Variants in NBAS observed in about 807,000 individuals in gnomAD.
NBAS encodes NBAS subunit of NRZ tethering complex.
Under a neutral mutation model 302.5 loss-of-function variants are expected in NBAS, and 219 were observed. That is an observed-to-expected ratio of 0.72 (90% confidence interval 0.65 to 0.81). NBAS has a LOEUF of 0.81. NBAS is among the 30% of genes least tolerant of loss of function. The pLI is 0.00. For synonymous variants in NBAS, 1,118 were observed against 1,021.6 expected (o/e 1.09, Z -1.80); for missense variants, 2,932 against 2,841.6 (o/e 1.03, Z -0.72).
intron 35 of NBAS, 149 bp downstream of exon 35, chr2:15,351,843 A>C (rs1028091070): frequency 8.5e-6 from 6 of 702,680 alleles, no homozygotes; most frequent in Admixed American, 6.3e-5. Context: ...CACACACACA[A>C]AAGCTGAAAA....
chr2:15,231,161 G>A (rs998399097), intron 47 of NBAS, among the ~76,000 whole-genome samples: 2 of 152,220 alleles, frequency 1.3e-5, no homozygotes, highest in Non-Finnish European at 2.9e-5. Context: ...GCATGGCACA[G>A]AGTAAACCCC....
chr2:15,496,541 T>A (rs1473804209), intron 11 of NBAS, among the ~76,000 whole-genome samples: 1 of 152,132 alleles, frequency 6.6e-6, no homozygotes, highest in Non-Finnish European at 1.5e-5. Context: ...TTGATGCAAT[T>A]TCCTACATCT....
intron 44 of NBAS, among the ~76,000 whole-genome samples, chr2:15,271,725 A>C (rs1669333855): frequency 6.6e-6 from 1 of 152,220 alleles, no homozygotes; most frequent in Admixed American, 6.5e-5. Context: ...CTAAGATTAT[A>C]CATATGCTCC....
chr2:14,842,432 TA>T, the NBAS span, among the ~76,000 whole-genome samples: 2 of 151,626 alleles, frequency 1.3e-5, no homozygotes, highest in African/African-American at 4.8e-5. Flanking sequence ...TTAGACTAAC[TA>T]AAAAAATGAG....
the NBAS span, among the ~76,000 whole-genome samples, chr2:14,964,926 C>T: frequency 3.3e-5 from 5 of 152,074 alleles, no homozygotes; most frequent in Non-Finnish European, 7.4e-5. Context: ...AAACAACACA[C>T]TTCTGAATAC....
chr2:14,849,891 G>T, the NBAS span, among the ~76,000 whole-genome samples: 2 of 137,370 alleles, frequency 1.5e-5, 1 homozygote, highest in Non-Finnish European at 3.0e-5. Context: ...GAGAGATTTT[G>T]TCACCACCAG....
intron 45 of NBAS, among the ~76,000 whole-genome samples, chr2:15,236,443 A>G (rs993864444): frequency 6.2e-4 from 92 of 147,394 alleles, no homozygotes; most frequent in African/African-American, 2.2e-3. Flanking sequence ...CAGCTACTCA[A>G]GAGGCTGAGG....
the NBAS span, among the ~76,000 whole-genome samples, chr2:14,837,893 G>A: frequency 7.2e-3 from 1,097 of 151,608 alleles, 12 homozygotes; most frequent in African/African-American, 0.025. Context: ...TAGTATTTAC[G>A]CTAGTCTCCT....
intron 44 of NBAS, among the ~76,000 whole-genome samples, chr2:15,266,787 G>A (rs1572556168): frequency 6.6e-6 from 1 of 151,916 alleles, no homozygotes; most frequent in East Asian, 1.9e-4. Flanking sequence ...ATTTTACCGA[G>A]CCTCCTAGTT....
At chr2:15,115,870 C>T in the NBAS span, among the ~76,000 whole-genome samples, 2 of 152,136 alleles carry the variant, frequency 1.3e-5, no homozygotes, top group South Asian at 4.1e-4. Context: ...TTAACAATAA[C>T]CATTGAGGGG....
the NBAS span, among the ~76,000 whole-genome samples, chr2:14,806,874 T>C: frequency 6.6e-6 from 1 of 152,264 alleles, no homozygotes; most frequent in African/African-American, 2.4e-5. Context: ...ACAGTTTTTC[T>C]CTATAAAATC....
intron 21 of NBAS, among the ~76,000 whole-genome samples, chr2:15,454,914 T>TC (rs1679180183): frequency 1.1e-5 from 1 of 93,476 alleles, no homozygotes; most frequent in Non-Finnish European, 2.6e-5. Flanking sequence ...CTGCAATTTT[T>TC]TTTTTTTTTG....
the NBAS span, among the ~76,000 whole-genome samples, chr2:15,154,640 G>T: frequency 6.6e-6 from 1 of 152,128 alleles, no homozygotes; most frequent in Non-Finnish European, 1.5e-5. Flanking sequence ...ATAAGAGGTG[G>T]GCCCAGCCCT....
chr2:14,993,255 A>G, the NBAS span, among the ~76,000 whole-genome samples: 1 of 152,156 alleles, frequency 6.6e-6, no homozygotes, highest in Non-Finnish European at 1.5e-5. Context: ...AAATTGACCA[A>G]AGTCACTATT....
the NBAS span, among the ~76,000 whole-genome samples, chr2:15,035,258 T>A: frequency 6.6e-6 from 1 of 152,108 alleles, no homozygotes; most frequent in Non-Finnish European, 1.5e-5. Context: ...TGTGTGCATA[T>A]AAATCAAAAC....
intron 38 of NBAS, among the ~76,000 whole-genome samples, chr2:15,312,601 G>T (rs190469577): frequency 6.6e-6 from 1 of 152,112 alleles, no homozygotes; most frequent in Admixed American, 6.5e-5. Context: ...AAATTCAGCT[G>T]GTACCCTGGT....
At chr2:15,508,641 A>G (rs958889178) in intron 10 of NBAS, among the ~76,000 whole-genome samples, 6 of 151,656 alleles carry the variant, frequency 4.0e-5, no homozygotes, top group African/African-American at 9.7e-5. Flanking sequence ...CTTTATCTCT[A>G]TGTGTGTGTC....
At chr2:15,550,838 C>T (rs1225362787) in intron 6 of NBAS, among the ~76,000 whole-genome samples, 1 of 152,100 alleles carries the variant, frequency 6.6e-6, no homozygotes, top group Non-Finnish European at 1.5e-5. Context: ...CCGCCCACCT[C>T]GGCCTCCCAA....
At chr2:14,970,667 G>A in the NBAS span, among the ~76,000 whole-genome samples, 3 of 152,172 alleles carry the variant, frequency 2.0e-5, no homozygotes, top group Admixed American at 2.0e-4. Flanking sequence ...ATTGGAAGTG[G>A]AAAGAACTGG....
Sources: gnomAD v4.1 joint callset for allele counts (sites outside exome capture counted in the v4.1 genomes callset) on GRCh38, gnomAD v4.1.1 for gene constraint, MANE v1.5 for transcripts, NCBI Gene and HGNC (gene_info 2026-07-23, HGNC 2026-07-21) for gene names.